The following ZNF804B variants were observed in gnomAD, a reference collection of about 807,000 sequenced individuals.
The protein encoded by ZNF804B is zinc finger 804B.
ZNF804B carries 80 observed loss-of-function variants against 101.4 expected under a neutral mutation model. The ratio of observed to expected loss-of-function variants is 0.79; its 90% CI spans 0.66 to 0.95. The LOEUF is 0.95. Among genes scored for constraint, ZNF804B ranks in the 40% least tolerant of loss-of-function variants. The pLI is 0.00. For missense variants in ZNF804B, 1,673 were observed against 1,561.9 expected, an observed-to-expected ratio of 1.07 and a Z score of -1.20; for synonymous variants, 622 against 558.8, an observed-to-expected ratio of 1.11 and a Z score of -1.59.
At chr7:89,049,939 G>C (rs1016605232) in intron 1 of ZNF804B, among the ~76,000 whole-genome samples, 11 of 152,118 alleles carry the variant, frequency 7.2e-5, no homozygotes, top group African/African-American at 2.7e-4. Flanking sequence ...TTGAACCCAC[G>C]AGGTGGAGGT....
At chr7:89,180,240 A>C (rs1272302067) in intron 1 of ZNF804B, among the ~76,000 whole-genome samples, 1 of 152,180 alleles carries the variant, frequency 6.6e-6, no homozygotes, top group African/African-American at 2.4e-5. Context: ...TCTGCAGGGC[A>C]ACAGGTTCCT....
At position 89,334,878 on chromosome 7, in the gene ZNF804B, T is replaced by C. The variant is rs1348032219; in HGVS notation, c.1896T>C (p.Ser632=). 1 of 1,613,696 alleles carries C rather than the reference T, an allele frequency of 6.2e-7. No homozygotes were observed. The highest frequency in any genetic ancestry group is 8.5e-7 in the Non-Finnish European group (1 of 1,179,884). The change falls in exon 4 of 4, where the codon TCT becomes TCC. Residue 632 remains serine (S), a synonymous_variant. Transcript: ENST00000333190. The part of the protein sequence containing the change: ...DEDLSFPSYI[S]RFKKHKLIPC... Reference sequence around the variant, plus strand: ...ACCTATCTTTTCCTTCCTACATCTCTAGGTTTAAAAAGCATAAATTGATTC... The same window carrying C: ...ACCTATCTTTTCCTTCCTACATCTCCAGGTTTAAAAAGCATAAATTGATTC...
intron 1 of ZNF804B, among the ~76,000 whole-genome samples, chr7:88,781,719 G>C (rs1268958522): frequency 6.6e-6 from 1 of 150,594 alleles, no homozygotes; most frequent in East Asian, 2.0e-4. Flanking sequence ...GTCACAGTTA[G>C]TGAGTGAAAA....
At chr7:89,230,053 T>C (rs961583315) in intron 2 of ZNF804B, among the ~76,000 whole-genome samples, 3 of 152,066 alleles carry the variant, frequency 2.0e-5, no homozygotes, top group Admixed American at 2.0e-4. Context: ...GAAAAAATTA[T>C]AGTGTTGAAT....
At chr7:89,204,617 A>G (rs943093352) in intron 1 of ZNF804B, among the ~76,000 whole-genome samples, 1 of 152,154 alleles carries the variant, frequency 6.6e-6, no homozygotes, top group Non-Finnish European at 1.5e-5. Context: ...GAGAGTCTCA[A>G]AATCTCTTCA....
intron 2 of ZNF804B, among the ~76,000 whole-genome samples, chr7:89,323,659 T>G (rs904492198): frequency 6.6e-6 from 1 of 152,168 alleles, no homozygotes; most frequent in Non-Finnish European, 1.5e-5. Context: ...ATCTTACCTA[T>G]GTTACCTCTT....
intron 1 of ZNF804B, among the ~76,000 whole-genome samples, chr7:88,942,166 ACT>A: frequency 6.6e-6 from 1 of 151,586 alleles, no homozygotes; most frequent in African/African-American, 2.4e-5. Context: ...CATATCCTAG[ACT>A]CTCTATGGTC....
At chr7:88,773,209 GGGTAAATT>G (rs1790094926) in intron 1 of ZNF804B, among the ~76,000 whole-genome samples, 1 of 152,266 alleles carries the variant, frequency 6.6e-6, no homozygotes, top group South Asian at 2.1e-4. Flanking sequence ...ACTACTGAGT[GGGTAAATT>G]CAAGAAAGCA....
intron 1 of ZNF804B, among the ~76,000 whole-genome samples, chr7:88,798,212 G>A (rs1790521424): frequency 6.6e-6 from 1 of 151,970 alleles, no homozygotes; most frequent in South Asian, 2.1e-4. Flanking sequence ...ATCAAAAGAA[G>A]CTTAGTGGTC....
intron 1 of ZNF804B, among the ~76,000 whole-genome samples, chr7:88,994,308 T>C (rs1453761102): frequency 1.3e-5 from 2 of 152,032 alleles, no homozygotes; most frequent in Admixed American, 1.3e-4. Context: ...TTTTATAAAA[T>C]AGTTTTCCCA....
chr7:88,783,058 G>A (rs1790253768), intron 1 of ZNF804B, among the ~76,000 whole-genome samples: 2 of 152,070 alleles, frequency 1.3e-5, no homozygotes, highest in Non-Finnish European at 2.9e-5. Flanking sequence ...AGAAACTGTG[G>A]AAATCATCTC....
intron 2 of ZNF804B, among the ~76,000 whole-genome samples, chr7:89,224,712 A>ATGTG (rs56064065): frequency 0.015 from 2,232 of 144,074 alleles, 32 homozygotes; most frequent in African/African-American, 0.032. Flanking sequence ...CTGGCAAAGT[A>ATGTG]TGTGTGTGTG....
chr7:89,313,999 TCTATTTCC>T (rs1190069266), intron 2 of ZNF804B, among the ~76,000 whole-genome samples: 2 of 152,168 alleles, frequency 1.3e-5, no homozygotes, highest in African/African-American at 4.8e-5. Flanking sequence ...TTTACATACC[TCTATTTCC>T]CTATTTCCCT....
intron 1 of ZNF804B, among the ~76,000 whole-genome samples, chr7:88,766,888 G>A (rs1164995494): frequency 6.6e-6 from 1 of 151,476 alleles, no homozygotes; most frequent in Non-Finnish European, 1.5e-5. Context: ...AGTATAATTA[G>A]GACTGCCAGT....
intron 1 of ZNF804B, among the ~76,000 whole-genome samples, chr7:88,804,573 G>A (rs747363946): frequency 3.0e-4 from 45 of 151,842 alleles, no homozygotes; most frequent in Non-Finnish European, 4.4e-4. Flanking sequence ...TGCACATTAT[G>A]ATGAGGTGAC....
At chr7:88,787,182 A>G (rs1014545138) in intron 1 of ZNF804B, among the ~76,000 whole-genome samples, 2 of 152,146 alleles carry the variant, frequency 1.3e-5, no homozygotes, top group Non-Finnish European at 2.9e-5. Context: ...GAAAGAGACA[A>G]GAGAAAACCA....
intron 1 of ZNF804B, among the ~76,000 whole-genome samples, chr7:88,772,750 C>T (rs1167381241): frequency 1.3e-5 from 2 of 152,136 alleles, no homozygotes; most frequent in Non-Finnish European, 2.9e-5. Flanking sequence ...TTCTTACTCC[C>T]GTGTTTGGAA....
chr7:88,873,540 T>A (rs1306238458), intron 1 of ZNF804B, among the ~76,000 whole-genome samples: 1 of 152,224 alleles, frequency 6.6e-6, no homozygotes, highest in Admixed American at 6.5e-5. Flanking sequence ...ATGAAGTCCT[T>A]GCCCATGCCT....
intron 1 of ZNF804B, among the ~76,000 whole-genome samples, chr7:89,120,101 A>C (rs1178888585): frequency 6.6e-6 from 1 of 152,152 alleles, no homozygotes; most frequent in Non-Finnish European, 1.5e-5. Context: ...GGGCACCTTT[A>C]TCACCTTTAT....
Sources: allele counts gnomAD v4.1 joint callset (sites outside exome capture counted in the v4.1 genomes callset), GRCh38; gene constraint gnomAD v4.1.1; transcripts MANE v1.5; gene names NCBI Gene and HGNC (gene_info 2026-07-23, HGNC 2026-07-21).